Variants in TAFA5 observed in about 807,000 individuals in gnomAD.
The protein encoded by TAFA5 is TAFA chemokine like family member 5.
In TAFA5, 6 loss-of-function variants were observed where a neutral mutation model predicts 15.3. The observed-to-expected ratio is 0.39, with a 90% CI of 0.21 to 0.77. The LOEUF (loss-of-function observed/expected upper bound fraction) is 0.77. TAFA5 is among the 30% of genes least tolerant of loss of function. The pLI is 0.41. For synonymous variants in TAFA5, 103 were observed against 80.7 expected (o/e 1.28, Z -1.48); for missense variants, 161 against 193.1 (o/e 0.83, Z 0.98).
intron 2 of TAFA5, 139 bp downstream of exon 2, chr22:48,646,885 A>C (rs1926888261): frequency 1.8e-6 from 2 of 1,118,478 alleles, no homozygotes; most frequent in Admixed American, 5.4e-5. Context: ...GGCTGTTGGC[A>C]CAGCTGTTCC....
chr22:48,603,442 G>T (rs1439156566), intron 1 of TAFA5, among the ~76,000 whole-genome samples: 2 of 152,248 alleles, frequency 1.3e-5, no homozygotes, highest in East Asian at 1.9e-4. Context: ...GGTGCCGGGT[G>T]TCTGACGGTC....
chr22:48,557,207 G>A (rs1923071522), intron 1 of TAFA5, among the ~76,000 whole-genome samples: 1 of 152,170 alleles, frequency 6.6e-6, no homozygotes, highest in Non-Finnish European at 1.5e-5. Flanking sequence ...TTGGAGACAG[G>A]TTCTTTAAAG....
chr22:48,588,693 G>A (rs73890918), intron 1 of TAFA5, among the ~76,000 whole-genome samples: 1 of 152,178 alleles, frequency 6.6e-6, no homozygotes, highest in African/African-American at 2.4e-5. Flanking sequence ...TGCCTCTGTG[G>A]CCTCCCGGTT....
In TAFA5 at chr22:48,602,906, G is replaced by A. The variant is rs1449476166; in HGVS notation, c.113-43691G>A. ...GTGCGGGGCTGGAGGAGCCTCTGCC[G>A]ATCTATGAGGCCGATGCCCCTGAGG... On this transcript the variant is annotated intron_variant, in intron 1 of 3. Transcript: ENST00000402357. Among the ~76,000 whole-genome samples the A allele has an allele frequency of 4.6e-5, 7 of 152,300 alleles. No individual in the cohort carries two copies. In the South Asian group the frequency reaches 1.2e-3, roughly 27 times the overall value.
At chr22:48,644,424 G>T (rs1275905073) in intron 1 of TAFA5, among the ~76,000 whole-genome samples, 1 of 152,256 alleles carries the variant, frequency 6.6e-6, no homozygotes, top group African/African-American at 2.4e-5. Context: ...GGGCACCTTG[G>T]ACAGCTCCAT....
At chr22:48,633,946 C>T (rs973840587) in intron 1 of TAFA5, among the ~76,000 whole-genome samples, 4 of 152,110 alleles carry the variant, frequency 2.6e-5, no homozygotes, top group Admixed American at 1.3e-4. Context: ...AGGGCCTGGG[C>T]GAGGCCCCCA....
chr22:48,631,789 T>C (rs1926238634), intron 1 of TAFA5, among the ~76,000 whole-genome samples: 1 of 152,074 alleles, frequency 6.6e-6, no homozygotes, highest in Non-Finnish European at 1.5e-5. Flanking sequence ...TCGCGGAATG[T>C]AAAGGGTCTG....
intron 1 of TAFA5, among the ~76,000 whole-genome samples, chr22:48,593,753 C>T (rs886341645): frequency 8.5e-5 from 13 of 152,166 alleles, no homozygotes; most frequent in African/African-American, 3.1e-4. Flanking sequence ...CTTAGCACGG[C>T]CTCCCCAGGC....
rs142499103 is a variant in TAFA5 at position 48,589,875 on chromosome 22, G to A, written c.113-56722G>A. 2.9e-3 allele frequency among the ~76,000 whole-genome samples: 439 copies of A among 152,306 alleles called. 3 individuals carry two copies. Among genetic ancestry groups the A allele is most frequent in the African/African-American group, 0.01 (420 of 41,564 alleles). On this transcript the variant is annotated intron_variant, in intron 1 of 3. Transcript: ENST00000402357. ...ACTTCTGCCCTCCAGAACTGTGAGA[G>A]CAGAAACTCCTGTTTTTAAGCCACG...
At chr22:48,591,629 C>T (rs886419696) in intron 1 of TAFA5, among the ~76,000 whole-genome samples, 1 of 152,212 alleles carries the variant, frequency 6.6e-6, no homozygotes, top group South Asian at 2.1e-4. Flanking sequence ...TCCAGGGCAG[C>T]GGGGTCACAG....
intron 1 of TAFA5, among the ~76,000 whole-genome samples, chr22:48,505,430 A>T (rs1025947099): frequency 3.9e-5 from 6 of 152,176 alleles, no homozygotes; most frequent in African/African-American, 1.4e-4. Flanking sequence ...ACAGAAGAAG[A>T]TACAGAGGGT....
chr22:48,645,820 C>T (rs1251947941), intron 1 of TAFA5, among the ~76,000 whole-genome samples: 4 of 152,140 alleles, frequency 2.6e-5, no homozygotes, highest in African/African-American at 9.7e-5. Flanking sequence ...CCTGAGACCC[C>T]TGGCCTTAGT....
At position 48,750,894 on chromosome 22, in the gene TAFA5, C is replaced by T. The variant is rs1019530953; in HGVS notation, c.*1047C>T. The T allele has an allele frequency of 1.3e-5, 2 of 152,498 alleles. No homozygotes were observed. Among genetic ancestry groups the T allele is most frequent in the African/African-American group, 4.8e-5 (2 of 41,450 alleles). 9.4% of individuals were successfully genotyped at this position (152,498 alleles called of 1,614,324 possible). On this transcript the variant is annotated 3_prime_UTR_variant, in exon 4 of 4. Coordinates refer to ENST00000402357, the MANE Select transcript of TAFA5 (RefSeq NM_001082967.3). The stretch of plus-strand genomic sequence containing the variant: ...CCTATTTAACAATTAACGTGGCAGT[C>T]CCGGCCGTCCTGAGAGTCGGGCCGA...
chr22:48,694,547 A>G (rs1782868470), intron 2 of TAFA5, among the ~76,000 whole-genome samples: 1 of 151,974 alleles, frequency 6.6e-6, no homozygotes, highest in Non-Finnish European at 1.5e-5. Flanking sequence ...CTGAGCCCTG[A>G]GCCCAGGAAG....
intron 1 of TAFA5, among the ~76,000 whole-genome samples, chr22:48,625,126 A>G (rs1011129060): frequency 5.3e-5 from 8 of 151,030 alleles, no homozygotes; most frequent in African/African-American, 1.5e-4. Flanking sequence ...AAAAAAAAAA[A>G]AGAGAGAGAG....
At chr22:48,700,258 C>T (rs1928861967) in intron 2 of TAFA5, among the ~76,000 whole-genome samples, 1 of 152,246 alleles carries the variant, frequency 6.6e-6, no homozygotes, top group East Asian at 1.9e-4. Flanking sequence ...GGGCTGGGGA[C>T]AGCAGAGGTC....
At position 48,619,433 on chromosome 22, in the gene TAFA5, G is replaced by A. The variant is rs60427358; in HGVS notation, c.113-27164G>A. Reference sequence around the variant, plus strand: ...TGCAGTGGCATGATCTCAGCTTACTGCAACCTCCGCCTCCCAGGTTCAAGC... The same window carrying A: ...TGCAGTGGCATGATCTCAGCTTACTACAACCTCCGCCTCCCAGGTTCAAGC... On this transcript the variant is annotated intron_variant, in intron 1 of 3. Coordinates refer to ENST00000402357, the MANE Select transcript of TAFA5 (RefSeq NM_001082967.3). Among the ~76,000 whole-genome samples the A allele has an allele frequency of 5.5e-3, 831 of 152,336 alleles. 4 individuals carry two copies. Among genetic ancestry groups the A allele is most frequent in the African/African-American group, 0.019 (791 of 41,570 alleles).
At chr22:48,537,271 T>G (rs1922201852) in intron 1 of TAFA5, among the ~76,000 whole-genome samples, 1 of 152,176 alleles carries the variant, frequency 6.6e-6, no homozygotes, top group African/African-American at 2.4e-5. Flanking sequence ...CCTGGGGACC[T>G]GAGGACATGA....
intron 1 of TAFA5, among the ~76,000 whole-genome samples, chr22:48,523,707 G>T (rs1012349396): frequency 6.6e-6 from 1 of 152,204 alleles, no homozygotes; most frequent in Admixed American, 6.5e-5. Context: ...GGAAGGAGCC[G>T]CTCCCAGGAA....
Sources: gnomAD v4.1 joint callset for allele counts (sites outside exome capture counted in the v4.1 genomes callset) on GRCh38, gnomAD v4.1.1 for gene constraint, MANE v1.5 for transcripts, NCBI Gene and HGNC (gene_info 2026-07-23, HGNC 2026-07-21) for gene names.